The following RUNX1 variants were observed in gnomAD, a reference collection of about 807,000 sequenced individuals.
RUNX1 encodes RUNX family transcription factor 1, also known as runt-related transcription factor 1.
In RUNX1, 19 loss-of-function variants were observed where a neutral mutation model predicts 42.8. That is an observed-to-expected ratio of 0.44 (90% CI 0.31 to 0.65). The LOEUF (loss-of-function observed/expected upper bound fraction) is 0.65, where lower values mean the gene tolerates loss of function less well. Among genes scored for constraint, RUNX1 ranks in the 30% least tolerant of loss-of-function variants. The pLI is 0.07. For synonymous variants in RUNX1, 271 were observed against 289.4 expected (o/e 0.94, Z 0.64); for missense variants, 528 against 672.0 (o/e 0.79, Z 2.37).
chr21:34,831,919 G>A (rs747196574), intron 7 of RUNX1, among the ~76,000 whole-genome samples: 1 of 152,062 alleles, frequency 6.6e-6, no homozygotes, highest in African/African-American at 2.4e-5. Context: ...AAGAACAAAA[G>A]GAAAAGGAAA....
intron 2 of RUNX1, among the ~76,000 whole-genome samples, chr21:34,904,075 T>C (rs2058198507): frequency 6.6e-6 from 1 of 152,178 alleles, no homozygotes; most frequent in South Asian, 2.1e-4. Context: ...ATAGTAAACA[T>C]TTTTTGCGGA....
chr21:34,817,036 A>G (rs1017497421), intron 7 of RUNX1, among the ~76,000 whole-genome samples: 3 of 152,162 alleles, frequency 2.0e-5, no homozygotes, highest in Admixed American at 6.5e-5. Context: ...ACTTTCCTCC[A>G]AAGGTGACAT....
intron 7 of RUNX1, among the ~76,000 whole-genome samples, chr21:34,812,518 C>T (rs2056771075): frequency 6.6e-6 from 1 of 152,210 alleles, no homozygotes; most frequent in Non-Finnish European, 1.5e-5. Flanking sequence ...TCGCTCACCC[C>T]AAACTCTGAT....
chr21:34,988,587 A>T (rs2834718), intron 2 of RUNX1, among the ~76,000 whole-genome samples: 37,613 of 151,718 alleles, frequency 0.25, 6,842 homozygotes, highest in African/African-American at 0.51. Flanking sequence ...TACCCCTAGG[A>T]CCTGCTGAGA....
chr21:34,792,089 G>A lies in RUNX1; in HGVS notation c.*46C>T. ...GAACAGGAGGCCCGCGCGCCCGGAG[G>A]CGAAGGCGGCGGCCCGCGGGGCCCA... On this transcript the variant is annotated 3_prime_UTR_variant, in exon 9 of 9. Coordinates refer to ENST00000675419, the MANE Select transcript of RUNX1 (RefSeq NM_001754.5). The surrounding 1 kb of genome is among the most constrained non-coding windows in gnomAD (Gnocchi z 6.9). 5 of 1,235,740 alleles carry A rather than the reference G, an allele frequency of 4.0e-6. No individual in the cohort carries two copies. The highest frequency in any genetic ancestry group is 5.2e-6 in the Non-Finnish European group (5 of 965,050). The allele number at this position is 1,235,740 out of a possible 1,614,324, so 76.5% of individuals were successfully genotyped here.
chr21:34,971,237 G>A (rs1048363714), intron 2 of RUNX1, among the ~76,000 whole-genome samples: 2 of 152,158 alleles, frequency 1.3e-5, no homozygotes, highest in African/African-American at 4.8e-5. Context: ...AAGATTTTAT[G>A]AGGACACACA....
intron 5 of RUNX1, among the ~76,000 whole-genome samples, chr21:34,869,928 A>C (rs941616908): frequency 2.0e-5 from 3 of 152,334 alleles, no homozygotes; most frequent in African/African-American, 4.8e-5. Context: ...ATGAATCATA[A>C]ATATTTGCAT....
chr21:34,928,926 G>C (rs2058417916), intron 2 of RUNX1, among the ~76,000 whole-genome samples: 1 of 142,846 alleles, frequency 7.0e-6, no homozygotes. Context: ...GAAAATCCCT[G>C]AGAGTATTGC....
chr21:34,850,495 TAC>T (rs924756743), intron 6 of RUNX1, among the ~76,000 whole-genome samples: 1 of 152,206 alleles, frequency 6.6e-6, no homozygotes, highest in African/African-American at 2.4e-5. Flanking sequence ...CCTGCTACAT[TAC>T]ACGTCACGTT....
intron 2 of RUNX1, among the ~76,000 whole-genome samples, chr21:34,921,283 A>C (rs1421353000): frequency 6.6e-6 from 1 of 152,080 alleles, no homozygotes; most frequent in Non-Finnish European, 1.5e-5. Flanking sequence ...GAACCAGTCA[A>C]CACCACCTCC....
chr21:34,859,370 G>C (rs754584098), intron 6 of RUNX1, 104 bp downstream of exon 6: 22 of 962,234 alleles, frequency 2.3e-5, no homozygotes, highest in Admixed American at 1.7e-4. Context: ...ATCCCCCTGG[G>C]GGAAAGGTTG....
chr21:34,850,216 A>G (rs1443961554), intron 6 of RUNX1, among the ~76,000 whole-genome samples: 1 of 152,188 alleles, frequency 6.6e-6, no homozygotes, highest in Non-Finnish European at 1.5e-5. Flanking sequence ...CTGTGGGTCC[A>G]TCCATCCCCA....
At chr21:34,888,794 G>C (rs1179084107) in intron 3 of RUNX1, 1 of 636,688 alleles carries the variant, frequency 1.6e-6, no homozygotes, top group African/African-American at 2.0e-5. Flanking sequence ...CCAATCACAG[G>C]CCTTTCCGGT....
At chr21:35,014,668 G>A (rs1048646964) in intron 2 of RUNX1, among the ~76,000 whole-genome samples, 1 of 152,202 alleles carries the variant, frequency 6.6e-6, no homozygotes, top group African/African-American at 2.4e-5. Context: ...TGTGCTTTTG[G>A]TAACAGCAAC....
chr21:34,801,158 T>C (rs1267872980), intron 7 of RUNX1, among the ~76,000 whole-genome samples: 1 of 151,940 alleles, frequency 6.6e-6, no homozygotes, highest in African/African-American at 2.4e-5. Context: ...GCGTATATAC[T>C]AGATACACAC....
chr21:35,037,949 T>G (rs989661878), intron 2 of RUNX1, among the ~76,000 whole-genome samples: 1 of 150,506 alleles, frequency 6.6e-6, no homozygotes, highest in Non-Finnish European at 1.5e-5. Flanking sequence ...TCTTCATACA[T>G]GCCCAGTTCC....
At chr21:34,805,837 A>G (rs554387782) in intron 7 of RUNX1, among the ~76,000 whole-genome samples, 1 of 152,224 alleles carries the variant, frequency 6.6e-6, no homozygotes, top group Non-Finnish European at 1.5e-5. Context: ...CAAAGTATTG[A>G]GTGATTATAG....
rs1303636259 is a variant in RUNX1, at chr21:34,789,434, A to C, written c.*2701T>G. The C allele has an allele frequency of 4.3e-6, 1 of 233,648 alleles. No individual in the cohort carries two copies. The highest frequency in any genetic ancestry group is 2.2e-5 in the African/African-American group (1 of 45,356). The allele number at this position is 233,648 out of a possible 1,614,324, so 14.5% of individuals were successfully genotyped here. On this transcript the variant is annotated 3_prime_UTR_variant, in exon 9 of 9. Transcript: ENST00000675419. ...ATCATAAATAGGGACATGAGTAAGC[A>C]GTAGAAATGGCTTATTCAATACTTC...
intron 2 of RUNX1, among the ~76,000 whole-genome samples, chr21:35,020,448 G>A (rs1377846993): frequency 1.3e-5 from 2 of 152,180 alleles, no homozygotes; most frequent in Non-Finnish European, 2.9e-5. Context: ...GGCCTTTGGG[G>A]ATGTTCCTAA....
Sources: gnomAD v4.1 joint callset for allele counts (sites outside exome capture counted in the v4.1 genomes callset) on GRCh38, gnomAD v4.1.1 for gene constraint, Gnocchi (gnomAD v3.1) non-coding constraint, MANE v1.5 for transcripts, NCBI Gene and HGNC (gene_info 2026-07-23, HGNC 2026-07-21) for gene names.